Variants in RSF1 observed in about 807,000 individuals in gnomAD.
The protein encoded by RSF1 is remodeling and spacing factor 1, also known as HBV pX-associated protein 8.
Under a neutral mutation model 145.2 loss-of-function variants are expected in RSF1, and 13 were observed. The ratio of observed to expected loss-of-function variants is 0.09; its 90% CI spans 0.06 to 0.14. The LOEUF (loss-of-function observed/expected upper bound fraction) is 0.14, where lower values mean the gene tolerates loss of function less well. Ranked by LOEUF, RSF1 falls within the 10% of genes least tolerant of loss-of-function variation. The probability of loss-of-function intolerance (pLI) is 1.00; values close to 1 mark genes in which losing one functional copy is unlikely to be tolerated. For synonymous variants in RSF1, 577 were observed against 592.6 expected, an observed-to-expected ratio of 0.97 and a Z score of 0.38; for missense variants, 1,517 against 1,718.2, an observed-to-expected ratio of 0.88 and a Z score of 2.07.
chr11:77,758,112 G>C (rs1483254580), intron 2 of RSF1, among the ~76,000 whole-genome samples: 1 of 151,080 alleles, frequency 6.6e-6, no homozygotes, highest in African/African-American at 2.4e-5. Context: ...CTCTAGACTG[G>C]GCGACAGAGG....
chr11:77,675,374 C>G, intron 13 of RSF1, 118 bp from the exon 14 acceptor site: 1 of 714,620 alleles, frequency 1.4e-6, no homozygotes, highest in Non-Finnish European at 2.2e-6. Context: ...TGCAACATAT[C>G]TGGATAATTG....
At chr11:77,787,833 T>TAAAAAAAA (rs57568918) in intron 1 of RSF1, among the ~76,000 whole-genome samples, 5 of 129,494 alleles carry the variant, frequency 3.9e-5, no homozygotes, top group Admixed American at 7.9e-5. Flanking sequence ...TTCAGAACAG[T>TAAAAAAAA]AAAAAAAAAA....
chr11:77,674,001 A>G (rs1042276307), intron 14 of RSF1, among the ~76,000 whole-genome samples: 13 of 152,224 alleles, frequency 8.5e-5, no homozygotes, highest in Admixed American at 2.0e-4. Flanking sequence ...AAAAGATATA[A>G]AGAATAATAT....
chr11:77,764,650 C>T lies in RSF1; in HGVS notation c.227G>A (p.Arg76Lys). The change falls in exon 2 of 16, where the codon AGG (arginine) becomes AAG (lysine). Residue 76 changes from arginine to lysine, a missense_variant. Around this residue, in one of 12 missense-constraint regions of RSF1, gnomAD observed 94 missense variants for 143.6 expected, o/e 0.65. Coordinates refer to ENST00000308488, the MANE Select transcript of RSF1 (RefSeq NM_016578.4). ...ELVELHLKLM[R>K]KIGKSVTADR... ...TGCAGTAACAGATTTGCCAATTTTC[C>T]TCATCAGCTTCAAATGGAGCTCCAC... 1 of 1,609,636 alleles carries T rather than the reference C, an allele frequency of 6.2e-7. No individual in the cohort carries two copies. Among genetic ancestry groups the T allele is most frequent in the Non-Finnish European group, 8.5e-7 (1 of 1,177,776 alleles).
chr11:77,739,576 T>C lies in RSF1; in HGVS notation c.578+1155A>G, dbSNP rs1961456676. The C allele has an allele frequency of 2.0e-5, 3 of 152,228 alleles. No homozygotes were observed. The South Asian group carries it at 6.2e-4, about 32-fold the overall frequency. 9.4% of individuals were successfully genotyped at this position (152,228 alleles called of 1,614,324 possible). ...ATTCTTAGGGAATGAAAATTGAGCT[T>C]TTCTACGGGTTATTTTTTCAAAGCA... On this transcript the variant is annotated intron_variant, in intron 4 of 15. Transcript: ENST00000308488.
chr11:77,839,303 CTTTT>C, the RSF1 span, among the ~76,000 whole-genome samples: 2 of 151,912 alleles, frequency 1.3e-5, no homozygotes, highest in South Asian at 4.2e-4. Context: ...ACACACTTGG[CTTTT>C]TTTTGTTTGT....
At chr11:77,840,854 C>G in the RSF1 span, among the ~76,000 whole-genome samples, 1 of 152,162 alleles carries the variant, frequency 6.6e-6, no homozygotes, top group Non-Finnish European at 1.5e-5. Context: ...CAACTTTTCC[C>G]CCTGAAAGTT....
the RSF1 span, chr11:77,831,742 C>G: frequency 6.7e-6 from 1 of 149,488 alleles, no homozygotes; most frequent in Non-Finnish European, 1.5e-5. Flanking sequence ...GTCACCCAGG[C>G]TGGAGTGCAG....
upstream of RSF1, among the ~76,000 whole-genome samples, chr11:77,821,896 G>A (rs983540418): frequency 1.2e-4 from 18 of 152,034 alleles, no homozygotes; most frequent in African/African-American, 4.3e-4. Flanking sequence ...CACTGTGGAG[G>A]TTTCTTTATT....
chr11:77,680,604 C>T (rs1959832168), intron 11 of RSF1, among the ~76,000 whole-genome samples: 1 of 152,168 alleles, frequency 6.6e-6, no homozygotes, highest in South Asian at 2.1e-4. Context: ...AACATCCTGC[C>T]TTCTGAGTTA....
At chr11:77,812,818 A>G (rs1050401923) in intron 1 of RSF1, among the ~76,000 whole-genome samples, 7 of 148,100 alleles carry the variant, frequency 4.7e-5, no homozygotes, top group Non-Finnish European at 7.4e-5. Flanking sequence ...TGAACCCAGG[A>G]GGCAGAGGTT....
At chr11:77,699,930 TA>T (rs1960373284) in intron 6 of RSF1, among the ~76,000 whole-genome samples, 1 of 152,134 alleles carries the variant, frequency 6.6e-6, no homozygotes, top group South Asian at 2.1e-4. Context: ...GCAAAAGGGA[TA>T]CTATATCTAC....
rs1188168635 is a variant in RSF1, at chr11:77,675,041, T to C, written c.3557A>G (p.Asp1186Gly). The C allele has an allele frequency of 1.3e-6, 2 of 1,589,718 alleles. No individual in the cohort carries two copies. The highest frequency in any genetic ancestry group is 1.7e-6 in the Non-Finnish European group (2 of 1,170,886). Residue 1186 changes from aspartate to glycine, a missense_variant, in exon 14 of 16, where the codon GAC (aspartate) becomes GGC (glycine). Around this residue, in one of 12 missense-constraint regions of RSF1, gnomAD observed 231 missense variants for 276.6 expected, o/e 0.84. Coordinates refer to ENST00000308488, the MANE Select transcript of RSF1 (RefSeq NM_016578.4). The part of the protein sequence containing the change: ...EEEESEENSR[D>G]SESDFSDDFS... Reference sequence around the variant, plus strand: ...TGGTTACAGATTATTTTTACCAGAGTCTCTACTATTCTCCTCAGATTCCTC... The same window carrying C: ...TGGTTACAGATTATTTTTACCAGAGCCTCTACTATTCTCCTCAGATTCCTC...
intron 10 of RSF1, 135 bp downstream of exon 10, chr11:77,684,970 A>G: frequency 2.4e-6 from 1 of 422,396 alleles, no homozygotes; most frequent in Non-Finnish European, 4.0e-6. Context: ...CTGGGCAACA[A>G]GAACGAAACT....
rs534724736 is a variant in RSF1, at chr11:77,809,363, T to A, written c.187+11165A>T. 2.6e-5 allele frequency among the ~76,000 whole-genome samples: 4 copies of A among 152,298 alleles called. No homozygotes were observed. The East Asian group carries it at 7.7e-4, about 29-fold the overall frequency. On this transcript the variant is annotated intron_variant, in intron 1 of 15. Coordinates refer to ENST00000308488, the MANE Select transcript of RSF1 (RefSeq NM_016578.4). ...TAAAGCATGCATACTACAAAGCCCC[T>A]TATTTTTGCATTTTTGTAATCTATT... is the stretch of plus-strand genomic sequence containing the variant.
intron 2 of RSF1, among the ~76,000 whole-genome samples, chr11:77,749,903 C>T (rs868043934): frequency 1.1e-4 from 17 of 152,114 alleles, no homozygotes; most frequent in South Asian, 8.3e-4. Context: ...CGCCCACCAC[C>T]ATGCCTGGCT....
At chr11:77,693,479 C>G in intron 8 of RSF1, 28 bp downstream of exon 8, 1 of 1,411,096 alleles carries the variant, frequency 7.1e-7, no homozygotes, top group Non-Finnish European at 1.0e-6. Flanking sequence ...AACTCAAAGA[C>G]TAGAAAAACA....
At chr11:77,731,522 G>A (rs374191506) in intron 4 of RSF1, among the ~76,000 whole-genome samples, 6 of 152,204 alleles carry the variant, frequency 3.9e-5, no homozygotes, top group African/African-American at 1.4e-4. Context: ...TGAGACAATG[G>A]GGAAAATGTC....
At chr11:77,872,182 C>A in the RSF1 span, 1 of 1,612,896 alleles carries the variant, frequency 6.2e-7, no homozygotes, top group South Asian at 1.1e-5. Context: ...CAGGTGCCTT[C>A]ATCAACTGTG....
Sources: allele counts gnomAD v4.1 joint callset (sites outside exome capture counted in the v4.1 genomes callset), GRCh38; gene constraint gnomAD v4.1.1; regional missense constraint gnomAD v4.1.1; transcripts MANE v1.5; gene names NCBI Gene and HGNC (gene_info 2026-07-23, HGNC 2026-07-21).